The following DYNLRB1 variants were observed in gnomAD, a reference collection of about 807,000 sequenced individuals.
DYNLRB1 encodes the protein dynein light chain roadblock-type 1.
DYNLRB1 carries 6 observed loss-of-function variants against 13.5 expected under a neutral mutation model. The ratio of observed to expected loss-of-function variants is 0.44; its 90% CI spans 0.24 to 0.88. The LOEUF is 0.88. DYNLRB1 is among the 40% of genes least tolerant of loss of function. The pLI, the probability that DYNLRB1 is intolerant of heterozygous loss-of-function variation, is 0.21. For synonymous variants in DYNLRB1, 43 were observed against 45.0 expected (o/e 0.96, Z 0.18); for missense variants, 93 against 127.2 (o/e 0.73, Z 1.29).
chr20:34,522,087 T>C (rs996428550), intron 1 of DYNLRB1, among the ~76,000 whole-genome samples: 1 of 151,698 alleles, frequency 6.6e-6, no homozygotes, highest in Non-Finnish European at 1.5e-5. Flanking sequence ...TTAGCCAGAG[T>C]AGCATCCCTT....
rs771811577 is a variant in DYNLRB1 at position 34,522,469 on chromosome 20, C to CTTTTTTTTTTTTTTTT, written c.4-3792_4-3777dup. On this transcript the variant is annotated intron_variant, in intron 1 of 3. Coordinates refer to ENST00000357156, the MANE Select transcript of DYNLRB1 (RefSeq NM_014183.4). Reference sequence around the variant, plus strand: ...TTTTCTTTCTTTCTTTTTTCTTTTTCTTTTTTTTTTTTTTTTTTTTTTGAT... The same window carrying CTTTTTTTTTTTTTTTT: ...TTTTCTTTCTTTCTTTTTTCTTTTTCTTTTTTTTTTTTTTTTTTTTTTTTTTTTTTTTTTTTTTGAT... Among the ~76,000 whole-genome samples, 639 of 77,154 alleles carry CTTTTTTTTTTTTTTTT rather than the reference C, an allele frequency of 8.3e-3. 5 individuals carry two copies. The highest frequency in any genetic ancestry group is 9.7e-3 in the Non-Finnish European group (411 of 42,278). The allele number at this position is 77,154 out of a possible 152,430, so 50.6% of individuals were successfully genotyped here.
chr20:34,519,198 G>A (rs1409036759), intron 1 of DYNLRB1, among the ~76,000 whole-genome samples: 1 of 152,040 alleles, frequency 6.6e-6, no homozygotes, highest in East Asian at 1.9e-4. Context: ...CTGGGATTAT[G>A]GGCGTAAACC....
At position 34,516,632 on chromosome 20, in the gene DYNLRB1, C is replaced by T. The variant is rs1979216600; in HGVS notation, c.3+171C>T. ...TGAGGGTGGAACCCGGCGGCGGAGG[C>T]CTCTAAAGCCTGACCGAGGCGGGGC... On this transcript the variant is annotated intron_variant, in intron 1 of 3. Coordinates refer to ENST00000357156, the MANE Select transcript of DYNLRB1 (RefSeq NM_014183.4). 16 of 1,484,772 alleles carry T rather than the reference C, an allele frequency of 1.1e-5. No individual in the cohort carries two copies. The East Asian group carries it at 3.5e-4, about 32-fold the overall frequency. 92.0% of individuals were successfully genotyped at this position (1,484,772 alleles called of 1,614,324 possible).
chr20:34,529,364 A>C (rs2146636882), intron 2 of DYNLRB1, among the ~76,000 whole-genome samples: 1 of 152,336 alleles, frequency 6.6e-6, no homozygotes, highest in Non-Finnish European at 1.5e-5. Flanking sequence ...CAGAGTTCTC[A>C]GCAATTCCTA....
intron 1 of DYNLRB1, among the ~76,000 whole-genome samples, chr20:34,523,083 G>GC (rs1979891293): frequency 1.3e-5 from 2 of 152,156 alleles, no homozygotes; most frequent in Admixed American, 6.5e-5. Context: ...GGTCAGTGCT[G>GC]CGAAGGCTGG....
chr20:34,539,815 A>T (rs1212953872), intron 3 of DYNLRB1, among the ~76,000 whole-genome samples: 1 of 151,970 alleles, frequency 6.6e-6, no homozygotes, highest in African/African-American at 2.4e-5. Context: ...AAAACTTTTT[A>T]AAAATTTACC....
chr20:34,534,356 C>G (rs1980953025), intron 2 of DYNLRB1, among the ~76,000 whole-genome samples: 1 of 152,234 alleles, frequency 6.6e-6, no homozygotes, highest in African/African-American at 2.4e-5. Flanking sequence ...ATCCTGGCCC[C>G]ACTGTGTGAC....
At chr20:34,522,312 T>C (rs1219350163) in intron 1 of DYNLRB1, among the ~76,000 whole-genome samples, 1 of 152,106 alleles carries the variant, frequency 6.6e-6, no homozygotes, top group African/African-American at 2.4e-5. Flanking sequence ...TACTAACCCA[T>C]GAATGGGAGT....
At chr20:34,522,401 T>C (rs903432592) in intron 1 of DYNLRB1, among the ~76,000 whole-genome samples, 1 of 151,612 alleles carries the variant, frequency 6.6e-6, no homozygotes, top group African/African-American at 2.4e-5. Context: ...CTATGTGTCC[T>C]CCCATTCCTG....
At chr20:34,538,997 T>TGG (rs1228776394) in intron 3 of DYNLRB1, among the ~76,000 whole-genome samples, 1 of 152,234 alleles carries the variant, frequency 6.6e-6, no homozygotes, top group African/African-American at 2.4e-5. Flanking sequence ...GTGTGAGAAG[T>TGG]GGGTGGCCCA....
intron 2 of DYNLRB1, chr20:34,533,735 C>T (rs1980893980): frequency 6.4e-6 from 1 of 155,488 alleles, no homozygotes; most frequent in African/African-American, 2.4e-5. Context: ...AGGAGAATCA[C>T]TTGAACCTGG....
chr20:34,517,503 A>G (rs1166335923), intron 1 of DYNLRB1, among the ~76,000 whole-genome samples: 1 of 152,180 alleles, frequency 6.6e-6, no homozygotes, highest in Non-Finnish European at 1.5e-5. Context: ...ATTGATATAT[A>G]ATAGTTGTAC....
chr20:34,528,518 G>A (rs951683308), intron 2 of DYNLRB1, among the ~76,000 whole-genome samples: 25 of 152,160 alleles, frequency 1.6e-4, no homozygotes, highest in Non-Finnish European at 2.5e-4. Flanking sequence ...GCAGAGTCAG[G>A]TCAGTGAACG....
intron 2 of DYNLRB1, among the ~76,000 whole-genome samples, chr20:34,533,120 G>A (rs915636309): frequency 6.6e-5 from 10 of 152,158 alleles, no homozygotes; most frequent in Middle Eastern, 3.2e-3. Flanking sequence ...AGTGTGAGCC[G>A]CATGCCTCAC....
intron 1 of DYNLRB1, chr20:34,516,826 C>G: frequency 4.5e-6 from 7 of 1,549,512 alleles, no homozygotes; most frequent in Non-Finnish European, 6.1e-6. Context: ...CAGGCTCTGC[C>G]AAGCACTTTA....
chr20:34,532,631 G>A (rs1980799710), intron 2 of DYNLRB1, among the ~76,000 whole-genome samples: 1 of 152,202 alleles, frequency 6.6e-6, no homozygotes, highest in African/African-American at 2.4e-5. Flanking sequence ...CAACTGTAGA[G>A]CAAGGCTTTG....
chr20:34,526,118 G>C (rs536879171), intron 1 of DYNLRB1, 150 bp from the exon 2 acceptor site: 10 of 794,286 alleles, frequency 1.3e-5, no homozygotes, highest in East Asian at 1.1e-4. Context: ...GAGCACGTCA[G>C]ATCAGCCTGG....
rs771811577 is a variant in DYNLRB1 at position 34,522,469 on chromosome 20, C to CTTTTTTTTTTTTTTTTT, written c.4-3793_4-3777dup. ...TTTTCTTTCTTTCTTTTTTCTTTTT[C>CTTTTTTTTTTTTTTTTT]TTTTTTTTTTTTTTTTTTTTTTGAT... On this transcript the variant is annotated intron_variant, in intron 1 of 3. Transcript: ENST00000357156. 3.1e-3 allele frequency among the ~76,000 whole-genome samples: 242 copies of CTTTTTTTTTTTTTTTTT among 77,174 alleles called. 3 individuals carry two copies. Among genetic ancestry groups the CTTTTTTTTTTTTTTTTT allele is most frequent in the Non-Finnish European group, 3.7e-3 (156 of 42,302 alleles). The allele number at this position is 77,174 out of a possible 152,430, so 50.6% of individuals were successfully genotyped here.
At chr20:34,521,459 A>AT (rs1244852236) in intron 1 of DYNLRB1, among the ~76,000 whole-genome samples, 1 of 150,260 alleles carries the variant, frequency 6.7e-6, no homozygotes, top group Admixed American at 6.6e-5. Flanking sequence ...TTTTTTATTT[A>AT]TTTTGTCTGT....
Sources: allele counts gnomAD v4.1 joint callset (sites outside exome capture counted in the v4.1 genomes callset), GRCh38; gene constraint gnomAD v4.1.1; transcripts MANE v1.5; gene names NCBI Gene and HGNC (gene_info 2026-07-23, HGNC 2026-07-21).